SDK1: variants seen among roughly 807,000 people sequenced by gnomAD.
SDK1 encodes sidekick cell adhesion molecule 1, also known as protein sidekick-1.
In SDK1, 157 loss-of-function variants were observed where a neutral mutation model predicts 245.5. The observed-to-expected ratio is 0.64, with a 90% CI of 0.56 to 0.73. SDK1 has a LOEUF of 0.73. SDK1 is among the 30% of genes least tolerant of loss of function. The pLI, the probability that SDK1 is intolerant of heterozygous loss-of-function variation, is 0.00. For synonymous variants in SDK1, 1,647 were observed against 1,278.5 expected, an observed-to-expected ratio of 1.29 and a Z score of -6.15; for missense variants, 3,583 against 3,002.3, an observed-to-expected ratio of 1.19 and a Z score of -4.52.
At chr7:3,503,341 T>A (rs1782277778) in intron 1 of SDK1, among the ~76,000 whole-genome samples, 1 of 152,168 alleles carries the variant, frequency 6.6e-6, no homozygotes, top group Non-Finnish European at 1.5e-5. Context: ...GATGATTGAA[T>A]CTTGTCAGAC....
rs114536722 is a variant in SDK1, at chr7:3,618,164, T to C, written c.299-916T>C. Among the ~76,000 whole-genome samples the C allele has an allele frequency of 2.2e-3, 332 of 152,166 alleles. 4 individuals carry two copies. The highest frequency in any genetic ancestry group is 7.8e-3 in the African/African-American group (324 of 41,514). On this transcript the variant is annotated intron_variant, in intron 1 of 44. Coordinates refer to ENST00000404826, the MANE Select transcript of SDK1 (RefSeq NM_152744.4). ...GCTGCATCCATATTAAAAAATGTTA[T>C]TGAAACAGATCTACAAAACATTGAC...
intron 13 of SDK1, among the ~76,000 whole-genome samples, chr7:3,985,558 T>C (rs4720143): frequency 6.6e-6 from 1 of 152,092 alleles, no homozygotes; most frequent in Admixed American, 6.5e-5. Flanking sequence ...AGGCCGAGGT[T>C]GGGGAGGATC....
chr7:4,215,538 C>G lies in SDK1; in HGVS notation c.5540-4571C>G, dbSNP rs564477588. Among the ~76,000 whole-genome samples, 5 of 152,360 alleles carry G rather than the reference C, an allele frequency of 3.3e-5. No homozygotes were observed. In the South Asian group the frequency reaches 1.0e-3, roughly 32 times the overall value. On this transcript the variant is annotated intron_variant, in intron 38 of 44. Transcript: ENST00000404826. ...CTGTGGGGTGACAGTCACGCACGGC[C>G]CAGCATGGGAGAGGGGCCACCTGGG...
chr7:3,564,720 A>T (rs2128627326), intron 1 of SDK1, among the ~76,000 whole-genome samples: 1 of 152,318 alleles, frequency 6.6e-6, no homozygotes, highest in South Asian at 2.1e-4. Flanking sequence ...GAAAGTAGTC[A>T]AAAGCTTTCC....
intron 28 of SDK1, among the ~76,000 whole-genome samples, chr7:4,145,075 G>A (rs899420881): frequency 2.6e-5 from 4 of 152,172 alleles, no homozygotes; most frequent in African/African-American, 9.7e-5. Flanking sequence ...CCTCCCAGCG[G>A]AGGAACTGAG....
At chr7:3,774,416 C>A (rs974140891) in intron 4 of SDK1, among the ~76,000 whole-genome samples, 1 of 152,230 alleles carries the variant, frequency 6.6e-6, no homozygotes, top group Non-Finnish European at 1.5e-5. Context: ...TTTTTGCCTA[C>A]CAAGGCTCCT....
chr7:3,600,893 T>A (rs892738629), intron 1 of SDK1, among the ~76,000 whole-genome samples: 1 of 152,186 alleles, frequency 6.6e-6, no homozygotes, highest in African/African-American at 2.4e-5. Context: ...TTGACAGAAC[T>A]CCTCTCTATT....
intron 32 of SDK1, among the ~76,000 whole-genome samples, chr7:4,171,375 G>A (rs532707984): frequency 6.6e-6 from 1 of 152,262 alleles, no homozygotes; most frequent in East Asian, 1.9e-4. Flanking sequence ...CAGCGCCGGG[G>A]AGGGAGCGGG....
chr7:3,502,236 T>G (rs1782240044), intron 1 of SDK1, among the ~76,000 whole-genome samples: 1 of 152,042 alleles, frequency 6.6e-6, no homozygotes, highest in Non-Finnish European at 1.5e-5. Flanking sequence ...TTTTTTTAAT[T>G]AATTAATTAA....
chr7:3,335,990 C>T (rs1007163845), intron 1 of SDK1, among the ~76,000 whole-genome samples: 1 of 152,218 alleles, frequency 6.6e-6, no homozygotes, highest in Non-Finnish European at 1.5e-5. Flanking sequence ...GTGTCAGTTC[C>T]CCTCCTTACT....
chr7:3,312,156 G>T (rs780382067), intron 1 of SDK1, among the ~76,000 whole-genome samples: 5 of 152,140 alleles, frequency 3.3e-5, no homozygotes, highest in Non-Finnish European at 7.4e-5. Context: ...AATTGGGGTG[G>T]ATTCAAATTT....
intron 4 of SDK1, among the ~76,000 whole-genome samples, chr7:3,662,327 G>C (rs982254894): frequency 2.0e-5 from 3 of 152,140 alleles, no homozygotes; most frequent in Non-Finnish European, 2.9e-5. Context: ...CATCCTGTCT[G>C]GTTACACAAA....
intron 14 of SDK1, among the ~76,000 whole-genome samples, chr7:3,991,555 G>A (rs1784325253): frequency 6.6e-6 from 1 of 152,210 alleles, no homozygotes; most frequent in African/African-American, 2.4e-5. Context: ...GCACACACAA[G>A]ATGGCTCTGT....
intron 1 of SDK1, among the ~76,000 whole-genome samples, chr7:3,376,610 A>G (rs1177504983): frequency 6.6e-6 from 1 of 152,236 alleles, no homozygotes; most frequent in African/African-American, 2.4e-5. Context: ...CGACAAGGTT[A>G]AAGAGATTCC....
intron 1 of SDK1, among the ~76,000 whole-genome samples, chr7:3,590,102 C>G (rs1352543040): frequency 2.0e-5 from 3 of 152,134 alleles, no homozygotes; most frequent in Non-Finnish European, 1.5e-5. Context: ...TACACTATTA[C>G]AGACTTATAA....
intron 5 of SDK1, among the ~76,000 whole-genome samples, chr7:3,892,960 A>T (rs893483319): frequency 1.3e-5 from 2 of 152,176 alleles, no homozygotes; most frequent in African/African-American, 4.8e-5. Context: ...ATGGCAGGGA[A>T]CAGGCTGCCT....
intron 4 of SDK1, among the ~76,000 whole-genome samples, chr7:3,737,900 T>A (rs1779363608): frequency 6.6e-6 from 1 of 152,214 alleles, no homozygotes; most frequent in African/African-American, 2.4e-5. Flanking sequence ...ACCAAATCCC[T>A]CCACTCTTCT....
At chr7:4,125,801 C>G (rs1051833173) in intron 25 of SDK1, among the ~76,000 whole-genome samples, 1 of 152,188 alleles carries the variant, frequency 6.6e-6, no homozygotes, top group Non-Finnish European at 1.5e-5. Context: ...ACCTGCTGAC[C>G]AACAAGTGCT....
chr7:3,530,091 A>C (rs183157216), intron 1 of SDK1, among the ~76,000 whole-genome samples: 1 of 152,328 alleles, frequency 6.6e-6, no homozygotes, highest in East Asian at 1.9e-4. Context: ...CAAAAAGTAT[A>C]ATCAAATTAT....
Sources: allele counts gnomAD v4.1 joint callset (sites outside exome capture counted in the v4.1 genomes callset), GRCh38; gene constraint gnomAD v4.1.1; transcripts MANE v1.5; gene names NCBI Gene and HGNC (gene_info 2026-07-23, HGNC 2026-07-21).